SLC44A5: variants seen among roughly 807,000 people sequenced by gnomAD.
The protein encoded by SLC44A5 is choline transporter-like protein 5.
Under a neutral mutation model 101.8 loss-of-function variants are expected in SLC44A5, and 57 were observed. The observed-to-expected ratio is 0.56, with a 90% confidence interval of 0.45 to 0.70. The LOEUF is 0.70. SLC44A5 is among the 30% of genes least tolerant of loss of function. SLC44A5 has a pLI of 0.00. For synonymous variants in SLC44A5, 281 were observed against 290.9 expected, an observed-to-expected ratio of 0.97 and a Z score of 0.35; for missense variants, 737 against 853.1, an observed-to-expected ratio of 0.86 and a Z score of 1.70.
chr1:75,212,341 T>G (rs1646874707), intron 22 of SLC44A5, among the ~76,000 whole-genome samples: 2 of 152,056 alleles, frequency 1.3e-5, no homozygotes, highest in African/African-American at 4.8e-5. Context: ...TCTCCCTCCT[T>G]CTACCCTCCA....
chr1:75,420,004 G>A (rs1663901970), intron 2 of SLC44A5, among the ~76,000 whole-genome samples: 2 of 152,094 alleles, frequency 1.3e-5, no homozygotes, highest in Admixed American at 6.6e-5. Flanking sequence ...ATGGAATTAG[G>A]AGATAAGGCC....
intron 2 of SLC44A5, among the ~76,000 whole-genome samples, chr1:75,425,202 T>A (rs900562677): frequency 1.3e-5 from 2 of 152,244 alleles, no homozygotes; most frequent in South Asian, 2.1e-4. Flanking sequence ...ATTGTGCAAG[T>A]GCAGCCCCAG....
chr1:75,336,343 G>A (rs1184948917), intron 4 of SLC44A5, among the ~76,000 whole-genome samples: 5 of 151,832 alleles, frequency 3.3e-5, no homozygotes, highest in African/African-American at 7.3e-5. Context: ...TAGTGGAGAC[G>A]GGGTTTCACC....
chr1:75,406,330 GA>G (rs1662865079), intron 2 of SLC44A5, among the ~76,000 whole-genome samples: 1 of 152,096 alleles, frequency 6.6e-6, no homozygotes, highest in African/African-American at 2.4e-5. Context: ...CCAAACTATG[GA>G]AATAGAGGGA....
chr1:75,676,063 T>G, the SLC44A5 span, among the ~76,000 whole-genome samples: 87 of 152,322 alleles, frequency 5.7e-4, 1 homozygote, highest in South Asian at 0.017. Flanking sequence ...TTGGCGAGGC[T>G]GCAGAGCAAT....
At chr1:75,581,497 C>G (rs1280368246) in intron 1 of SLC44A5, among the ~76,000 whole-genome samples, 1 of 152,122 alleles carries the variant, frequency 6.6e-6, no homozygotes, top group Non-Finnish European at 1.5e-5. Context: ...GCTGCATTGT[C>G]AGCAATGAAG....
At chr1:75,663,678 G>C in the SLC44A5 span, among the ~76,000 whole-genome samples, 1 of 152,126 alleles carries the variant, frequency 6.6e-6, no homozygotes, top group Non-Finnish European at 1.5e-5. Context: ...AATAGTCCCA[G>C]ACCAGATGGA....
rs750842226 is a variant in SLC44A5 at position 75,219,377 on chromosome 1, C to T, written c.1179-33G>A. 66 of 1,429,850 alleles carry T rather than the reference C, an allele frequency of 4.6e-5. No homozygotes were observed. In the Middle Eastern group the frequency reaches 1.0e-3, roughly 23 times the overall value. 88.6% of individuals were successfully genotyped at this position (1,429,850 alleles called of 1,614,324 possible). On this transcript the variant is annotated intron_variant, in intron 15 of 23. Coordinates refer to ENST00000370859, the MANE Select transcript of SLC44A5 (RefSeq NM_001130058.2). ...AACTCCATTAAGGATAAACCATTTG[C>T]TGGTAGATTGAAAATAAATGGACAA...
chr1:75,422,599 A>G (rs568681384), intron 2 of SLC44A5, among the ~76,000 whole-genome samples: 1 of 152,356 alleles, frequency 6.6e-6, no homozygotes, highest in Non-Finnish European at 1.5e-5. Context: ...ACTGAGGGAC[A>G]TATTTATATT....
chr1:75,372,330 C>T (rs1486516218), intron 3 of SLC44A5, among the ~76,000 whole-genome samples: 1 of 151,974 alleles, frequency 6.6e-6, no homozygotes, highest in Non-Finnish European at 1.5e-5. Context: ...CTTACTTTTC[C>T]CCAGATGCCT....
intron 3 of SLC44A5, among the ~76,000 whole-genome samples, chr1:75,341,633 G>A (rs1657889489): frequency 6.6e-6 from 1 of 152,202 alleles, no homozygotes; most frequent in East Asian, 1.9e-4. Flanking sequence ...TAAGAGCTGT[G>A]ATAGAGAATG....
chr1:75,714,548 T>C, the SLC44A5 span, among the ~76,000 whole-genome samples: 7 of 152,178 alleles, frequency 4.6e-5, no homozygotes, highest in Non-Finnish European at 8.8e-5. Flanking sequence ...GAAGTCAAGA[T>C]GTTGGAAGTC....
chr1:75,451,478 G>A (rs564343975), intron 2 of SLC44A5, among the ~76,000 whole-genome samples: 6 of 151,758 alleles, frequency 4.0e-5, no homozygotes, highest in Non-Finnish European at 8.8e-5. Context: ...GAAGGGAAGG[G>A]ATAGGAAAAT....
At chr1:75,249,690 T>C (rs557739815) in intron 7 of SLC44A5, among the ~76,000 whole-genome samples, 1 of 152,348 alleles carries the variant, frequency 6.6e-6, no homozygotes, top group South Asian at 2.1e-4. Flanking sequence ...ATGTTACCAT[T>C]GTACATGTAG....
the SLC44A5 span, among the ~76,000 whole-genome samples, chr1:75,668,165 T>C: frequency 6.6e-6 from 1 of 152,146 alleles, no homozygotes; most frequent in Non-Finnish European, 1.5e-5. Flanking sequence ...ATTATAAATT[T>C]TTAAACAAGT....
intron 2 of SLC44A5, among the ~76,000 whole-genome samples, chr1:75,432,875 CTG>C (rs1432311603): frequency 1.2e-4 from 19 of 152,212 alleles, no homozygotes; most frequent in Non-Finnish European, 2.2e-4. Context: ...TGGATTTAAA[CTG>C]AGAGTTCTGA....
At chr1:75,349,202 G>A (rs1378742481) in intron 3 of SLC44A5, among the ~76,000 whole-genome samples, 4 of 152,162 alleles carry the variant, frequency 2.6e-5, no homozygotes, top group Non-Finnish European at 5.9e-5. Flanking sequence ...TAGCCAGTGT[G>A]GCAGTGCACA....
chr1:75,477,391 C>T (rs1667490028), intron 2 of SLC44A5, among the ~76,000 whole-genome samples: 1 of 152,200 alleles, frequency 6.6e-6, no homozygotes, highest in African/African-American at 2.4e-5. Context: ...AGCAACGGAA[C>T]AAAGCTGTAC....
chr1:75,672,820 CT>C, the SLC44A5 span, among the ~76,000 whole-genome samples: 1 of 152,164 alleles, frequency 6.6e-6, no homozygotes, highest in Non-Finnish European at 1.5e-5. Context: ...TAGGCCCTAG[CT>C]CCAGGATGAC....
Sources: allele counts gnomAD v4.1 joint callset (sites outside exome capture counted in the v4.1 genomes callset), GRCh38; gene constraint gnomAD v4.1.1; transcripts MANE v1.5; gene names NCBI Gene and HGNC (gene_info 2026-07-23, HGNC 2026-07-21).